The following DACH2 variants were observed in gnomAD, a reference collection of about 807,000 sequenced individuals.
DACH2 encodes the protein dachshund homolog 2.
Under a neutral mutation model 35.8 loss-of-function variants are expected in DACH2, and 17 were observed. That is an observed-to-expected ratio of 0.48 (90% CI 0.33 to 0.71). The LOEUF is 0.71. Among genes scored for constraint, DACH2 ranks in the 30% least tolerant of loss-of-function variants. The pLI, the probability that DACH2 is intolerant of heterozygous loss-of-function variation, is 0.02. For synonymous variants in DACH2, 195 were observed against 177.3 expected (o/e 1.10, Z -0.79); for missense variants, 469 against 472.7 (o/e 0.99, Z 0.07).
intron 3 of DACH2, among the ~76,000 whole-genome samples, chrX:86,546,424 C>T (rs1281915140): frequency 1.2e-5 from 1 of 86,440 alleles, no homozygotes. Context: ...CTTCTTTCTT[C>T]TTCTTCTTCC....
intron 3 of DACH2, among the ~76,000 whole-genome samples, chrX:86,594,098 G>C (rs1332784346): frequency 1.8e-5 from 2 of 111,381 alleles, no homozygotes; most frequent in Admixed American, 9.6e-5. Flanking sequence ...CAAGGAATTG[G>C]TCTGCTTCAC....
At chrX:86,421,830 G>T in intron 2 of DACH2, among the ~76,000 whole-genome samples, 1 of 110,751 alleles carries the variant, frequency 9.0e-6, no homozygotes, top group Non-Finnish European at 1.9e-5. Flanking sequence ...TGCATATTTT[G>T]TTTTTTCCAA....
chrX:86,774,656 A>C (rs1200906404), intron 7 of DACH2, among the ~76,000 whole-genome samples: 2 of 112,053 alleles, frequency 1.8e-5, no homozygotes, highest in East Asian at 5.6e-4. Context: ...GATCCTTTAC[A>C]TAGTGCTTTC....
At chrX:86,300,049 G>A (rs1197644792) in intron 1 of DACH2, among the ~76,000 whole-genome samples, 1 of 111,107 alleles carries the variant, frequency 9.0e-6, no homozygotes, top group Non-Finnish European at 1.9e-5. Context: ...AACATTTCAA[G>A]TCCTCTGTTT....
intron 3 of DACH2, among the ~76,000 whole-genome samples, chrX:86,592,302 C>A (rs1366586045): frequency 8.9e-6 from 1 of 111,825 alleles, no homozygotes; most frequent in Non-Finnish European, 1.9e-5. Flanking sequence ...CTTGCCTTTG[C>A]AGTTTGTCAA....
chrX:86,695,604 G>T (rs930237710), intron 5 of DACH2, among the ~76,000 whole-genome samples: 1 of 108,777 alleles, frequency 9.2e-6, no homozygotes, highest in Non-Finnish European at 1.9e-5. Flanking sequence ...TCCGCCTCCT[G>T]GTTCAAGCAA....
chrX:86,215,587 A>G (rs1434992410), intron 1 of DACH2, among the ~76,000 whole-genome samples: 1 of 108,333 alleles, frequency 9.2e-6, no homozygotes, highest in Non-Finnish European at 2.0e-5. Context: ...CCTGTCTACC[A>G]GTTACCTAGT....
chrX:86,800,458 T>A (rs1415807457), intron 7 of DACH2, among the ~76,000 whole-genome samples: 2 of 111,701 alleles, frequency 1.8e-5, no homozygotes, highest in Non-Finnish European at 3.8e-5. Context: ...TCTTTGGATA[T>A]ATATTATGAA....
intron 3 of DACH2, among the ~76,000 whole-genome samples, chrX:86,625,778 A>G (rs1187075137): frequency 9.0e-6 from 1 of 110,854 alleles, no homozygotes; most frequent in Non-Finnish European, 1.9e-5. Flanking sequence ...AAACCATCAG[A>G]TCTCGTAAGA....
chrX:86,259,500 T>C (rs190499157), intron 1 of DACH2, among the ~76,000 whole-genome samples: 1 of 111,811 alleles, frequency 8.9e-6, no homozygotes, highest in African/African-American at 3.2e-5. Context: ...GGTGTCTATA[T>C]TGAACTACAG....
chrX:86,566,749 A>T (rs1435220586), intron 3 of DACH2, among the ~76,000 whole-genome samples: 1 of 111,221 alleles, frequency 9.0e-6, no homozygotes, highest in Non-Finnish European at 1.9e-5. Flanking sequence ...CATTATAATG[A>T]CCTAATAACA....
In DACH2 at chrX:86,256,847, T is replaced by C. The variant is rs1026776449; in HGVS notation, c.488+107739T>C. Among the ~76,000 whole-genome samples the C allele has an allele frequency of 4.5e-5, 5 of 111,548 alleles. No homozygotes were observed. The Admixed American group carries it at 4.8e-4, about 11-fold the overall frequency. ...GTTTAGAGATTAGATCTCCACCTCA[T>C]TTTGTGTGTGTGTATATTCTTCTTA... On this transcript the variant is annotated intron_variant, in intron 1 of 11. Coordinates refer to ENST00000373125, the MANE Select transcript of DACH2 (RefSeq NM_053281.3).
chrX:86,806,445 T>G (rs2042345984), intron 7 of DACH2, among the ~76,000 whole-genome samples: 1 of 111,805 alleles, frequency 8.9e-6, no homozygotes, highest in African/African-American at 3.3e-5. Context: ...GTGAGATTTG[T>G]GTAGTGACAC....
chrX:86,295,601 G>A (rs1412811161), intron 1 of DACH2, among the ~76,000 whole-genome samples: 6 of 111,264 alleles, frequency 5.4e-5, no homozygotes, highest in Admixed American at 1.9e-4. Context: ...TGGACCACTA[G>A]GATTGACAAT....
At chrX:86,182,430 T>G (rs1194739397) in intron 1 of DACH2, among the ~76,000 whole-genome samples, 1 of 112,174 alleles carries the variant, frequency 8.9e-6, no homozygotes, top group Non-Finnish European at 1.9e-5. Context: ...CAACACCATT[T>G]ATTAAGTAGG....
chrX:86,158,824 C>T (rs1001620477), intron 1 of DACH2, among the ~76,000 whole-genome samples: 3 of 111,223 alleles, frequency 2.7e-5, no homozygotes, highest in Non-Finnish European at 5.7e-5. Flanking sequence ...TATCAGTAAA[C>T]ATTAGACTTT....
chrX:86,240,660 G>A (rs929775858), intron 1 of DACH2, among the ~76,000 whole-genome samples: 1 of 109,054 alleles, frequency 9.2e-6, no homozygotes, highest in Non-Finnish European at 1.9e-5. Flanking sequence ...TTTTTTTGTA[G>A]AGATGGTGAT....
intron 1 of DACH2, among the ~76,000 whole-genome samples, chrX:86,315,015 T>C (rs958456012): frequency 6.2e-4 from 70 of 112,055 alleles, no homozygotes; most frequent in African/African-American, 2.2e-3. Flanking sequence ...GATGAAACAG[T>C]CTCATAGGGG....
Position 86,724,855 on chromosome X carries a change from A to G in DACH2, c.1104+10135A>G, listed in dbSNP as rs776765802. On this transcript the variant is annotated intron_variant, in intron 6 of 11. Transcript: ENST00000373125. ...GTTTGGTTGCTTTATGTACTTCAAAATGTGCTCTAGTCTTTATTCATTCTT... is the reference window on the plus strand; with the variant it reads ...GTTTGGTTGCTTTATGTACTTCAAAGTGTGCTCTAGTCTTTATTCATTCTT... Among the ~76,000 whole-genome samples the G allele has an allele frequency of 5.4e-5, 6 of 110,873 alleles. No individual in the cohort carries two copies. The Admixed American group carries it at 5.8e-4, about 11-fold the overall frequency.
Sources: allele counts gnomAD v4.1 joint callset (sites outside exome capture counted in the v4.1 genomes callset), GRCh38; gene constraint gnomAD v4.1.1; transcripts MANE v1.5; gene names NCBI Gene and HGNC (gene_info 2026-07-23, HGNC 2026-07-21).